The following TRIM37 variants were observed in gnomAD, a reference collection of about 807,000 sequenced individuals.
The protein encoded by TRIM37 is tripartite motif containing 37.
Under a neutral mutation model 129.8 loss-of-function variants are expected in TRIM37, and 80 were observed. That is an observed-to-expected ratio of 0.62 (90% confidence interval 0.51 to 0.74). TRIM37 has a LOEUF of 0.74. Ranked by LOEUF, TRIM37 falls within the 30% of genes least tolerant of loss-of-function variation. TRIM37 has a pLI of 0.00. For missense variants in TRIM37, 1,054 were observed against 1,176.5 expected (o/e 0.90, Z 1.52); for synonymous variants, 389 against 387.1 (o/e 1.00, Z -0.06).
intron 10 of TRIM37, among the ~76,000 whole-genome samples, chr17:59,063,883 G>A (rs9893447): frequency 7.7e-4 from 117 of 152,292 alleles, no homozygotes; most frequent in African/African-American, 2.8e-3. Context: ...GCAGGGCACC[G>A]TGGCTAATGC....
At chr17:59,027,519 G>C (rs924161049) in intron 19 of TRIM37, among the ~76,000 whole-genome samples, 6 of 152,242 alleles carry the variant, frequency 3.9e-5, no homozygotes, top group Non-Finnish European at 8.8e-5. Flanking sequence ...AAGAAAGGCT[G>C]CTAGACTGTG....
At position 59,079,870 on chromosome 17, in the gene TRIM37, T is replaced by C. The variant is rs1420987734; in HGVS notation, c.500A>G (p.Asn167Ser). The C allele has an allele frequency of 1.9e-6, 3 of 1,613,886 alleles. No homozygotes were observed. Among genetic ancestry groups the C allele is most frequent in the Non-Finnish European group, 2.5e-6 (3 of 1,179,848 alleles). The change falls in exon 7 of 24, where the codon AAT becomes AGT. Residue 167 changes from asparagine to serine, a missense_variant. Coordinates refer to ENST00000262294, the MANE Select transcript of TRIM37 (RefSeq NM_015294.6). ...TTTTGCATTTCTTACAGCTTCTACA[T>C]TCCTTTCCTAGAAGATAAAGAGGTA... ...LISLVQEVER[N>S]VEAVRNAKDE...
intron 17 of TRIM37, among the ~76,000 whole-genome samples, chr17:59,036,448 G>GGC: frequency 9.3e-5 from 2 of 21,582 alleles, no homozygotes; most frequent in Middle Eastern, 0.056. Context: ...TTTGCTGGGG[G>GGC]TGTGTGTGTG....
downstream of TRIM37, among the ~76,000 whole-genome samples, chr17:58,996,448 C>T (rs1288787620): frequency 1.4e-5 from 2 of 147,956 alleles, no homozygotes; most frequent in African/African-American, 2.5e-5. Context: ...CCAGCCTGGC[C>T]GACAGAGTGA....
intron 18 of TRIM37, among the ~76,000 whole-genome samples, chr17:59,030,609 A>G (rs905874444): frequency 1.3e-5 from 2 of 152,236 alleles, no homozygotes; most frequent in African/African-American, 4.8e-5. Flanking sequence ...CTAGTTTTAC[A>G]CAGAAATCTT....
intron 17 of TRIM37, among the ~76,000 whole-genome samples, chr17:59,038,070 G>A (rs1348815135): frequency 1.3e-5 from 2 of 152,202 alleles, no homozygotes; most frequent in Middle Eastern, 3.4e-3. Context: ...CTGTCAACAT[G>A]CTATCAACAT....
In TRIM37 at chr17:59,082,196, G is replaced by A. The variant is rs150240668; in HGVS notation, c.370-977C>T. Among the ~76,000 whole-genome samples the A allele has an allele frequency of 6.6e-3, 1,003 of 151,872 alleles. 7 individuals are homozygous for A. The highest frequency in any genetic ancestry group is 0.023 in the African/African-American group (937 of 41,432). On this transcript the variant is annotated intron_variant, in intron 5 of 23. Transcript: ENST00000262294. Reference sequence around the variant, plus strand: ...TGAGGCTGGAGAACCACTTGAAGCCGGGAGGCGGAGGTTGGAGTGAGCTGA... The same window carrying A: ...TGAGGCTGGAGAACCACTTGAAGCCAGGAGGCGGAGGTTGGAGTGAGCTGA...
intron 16 of TRIM37, among the ~76,000 whole-genome samples, chr17:59,042,449 A>AATATATATAT (rs71145518): frequency 8.3e-5 from 3 of 36,034 alleles, no homozygotes; most frequent in African/African-American, 2.2e-4. Context: ...AAAAAAAAAA[A>AATATATATAT]ATATATATAT....
chr17:59,016,374 AC>A (rs2035938939), intron 20 of TRIM37, among the ~76,000 whole-genome samples: 1 of 149,848 alleles, frequency 6.7e-6, no homozygotes, highest in Non-Finnish European at 1.5e-5. Context: ...AGCCTGGGCA[AC>A]TAGAGGAAAA....
the TRIM37 span, chr17:58,972,086 A>G: frequency 6.4e-7 from 1 of 1,567,556 alleles, no homozygotes; most frequent in Non-Finnish European, 8.7e-7. Flanking sequence ...AGAATGTAGT[A>G]TCTATTTCTT....
intron 13 of TRIM37, among the ~76,000 whole-genome samples, chr17:59,051,949 T>G (rs534097970): frequency 3.3e-5 from 5 of 152,200 alleles, no homozygotes; most frequent in African/African-American, 9.6e-5. Context: ...TATTTCTCTA[T>G]TCCATCTCAC....
At chr17:58,974,188 A>G in the TRIM37 span, among the ~76,000 whole-genome samples, 1 of 152,008 alleles carries the variant, frequency 6.6e-6, no homozygotes, top group South Asian at 2.1e-4. Context: ...TCAAATCAGT[A>G]TTTTTCAGAG....
chr17:59,001,454 TAAAAAA>T, intron 23 of TRIM37, 138 bp downstream of exon 23: 2 of 777,530 alleles, frequency 2.6e-6, no homozygotes, highest in Non-Finnish European at 3.8e-6. Flanking sequence ...TGACAATAAT[TAAAAAA>T]AAAAAAAAAG....
At chr17:58,969,540 A>G in the TRIM37 span, 6 of 1,614,024 alleles carry the variant, frequency 3.7e-6, no homozygotes, top group African/African-American at 1.3e-5. Context: ...TGTTGACAGG[A>G]CCAGGAAGAA....
At chr17:59,039,436 T>C (rs1210179794) in intron 17 of TRIM37, among the ~76,000 whole-genome samples, 1 of 151,118 alleles carries the variant, frequency 6.6e-6, no homozygotes, top group East Asian at 2.0e-4. Flanking sequence ...AAGCTCCGCC[T>C]CCCAGGTTCA....
chr17:59,073,645 G>A (rs1230064848), intron 8 of TRIM37, among the ~76,000 whole-genome samples: 1 of 152,126 alleles, frequency 6.6e-6, no homozygotes, highest in African/African-American at 2.4e-5. Context: ...GGCGAGCGCC[G>A]TGGCTATTCA....
chr17:59,019,794 G>C (rs1353404466), intron 19 of TRIM37, among the ~76,000 whole-genome samples: 1 of 152,096 alleles, frequency 6.6e-6, no homozygotes, highest in East Asian at 1.9e-4. Flanking sequence ...GGAAGATGGG[G>C]AACGACTTTT....
At chr17:59,073,475 G>GT (rs1294919320) in intron 8 of TRIM37, among the ~76,000 whole-genome samples, 1 of 152,024 alleles carries the variant, frequency 6.6e-6, no homozygotes, top group African/African-American at 2.4e-5. Flanking sequence ...TGTATTTTTA[G>GT]TAGAGACGGG....
At chr17:59,007,315 T>A (rs1191166772) in intron 22 of TRIM37, among the ~76,000 whole-genome samples, 1 of 148,008 alleles carries the variant, frequency 6.8e-6, no homozygotes. Context: ...TGTACCTTCT[T>A]ATTGAGAGAT....
Sources: gnomAD v4.1 joint callset for allele counts (sites outside exome capture counted in the v4.1 genomes callset) on GRCh38, gnomAD v4.1.1 for gene constraint, MANE v1.5 for transcripts, NCBI Gene and HGNC (gene_info 2026-07-23, HGNC 2026-07-21) for gene names.